Variants in PLXNA4 observed in about 807,000 individuals in gnomAD.
The protein encoded by PLXNA4 is plexin-A4.
Under a neutral mutation model 191.8 loss-of-function variants are expected in PLXNA4, and 44 were observed. The ratio of observed to expected loss-of-function variants is 0.23; its 90% CI spans 0.18 to 0.29. The LOEUF (loss-of-function observed/expected upper bound fraction) is 0.29. Ranked by LOEUF, PLXNA4 falls within the 10% of genes least tolerant of loss-of-function variation. PLXNA4 has a pLI of 1.00. For synonymous variants in PLXNA4, 1,082 were observed against 1,009.5 expected (o/e 1.07, Z -1.36); for missense variants, 1,800 against 2,488.8 (o/e 0.72, Z 5.89).
At chr7:132,559,242 G>T (rs1433470939) in intron 1 of PLXNA4, among the ~76,000 whole-genome samples, 1 of 152,144 alleles carries the variant, frequency 6.6e-6, no homozygotes, top group African/African-American at 2.4e-5. Context: ...GGCATGAGGA[G>T]GAATGAACAG....
intron 22 of PLXNA4, among the ~76,000 whole-genome samples, 168 bp downstream of exon 22, chr7:132,168,136 G>A (rs1405535839): frequency 6.6e-6 from 1 of 152,226 alleles, no homozygotes; most frequent in Non-Finnish European, 1.5e-5. Context: ...ACAGTGGACA[G>A]GTTCTTCTAA....
In PLXNA4 at chr7:132,609,344, G is replaced by A. The variant is rs185771070; in HGVS notation, c.-87+36584C>T. Among the ~76,000 whole-genome samples, 13 of 152,248 alleles carry A rather than the reference G, an allele frequency of 8.5e-5. No individual in the cohort carries two copies. In the East Asian group the frequency reaches 2.1e-3, roughly 25 times the overall value. On this transcript the variant is annotated intron_variant, in intron 2 of 4. Coordinates refer to the PLXNA4 transcript ENST00000378539. ...TGTCCATGGCTGCTTGGAAGTATGT[G>A]AGTTGCTCCATCATGTGGTTGTAAG...
chr7:132,177,647 CT>C (rs1426732087), intron 20 of PLXNA4, among the ~76,000 whole-genome samples: 2 of 152,206 alleles, frequency 1.3e-5, no homozygotes, highest in African/African-American at 2.4e-5. Flanking sequence ...AGGGTGTTGG[CT>C]TTTTATCAGT....
rs141129552 is a variant in PLXNA4, at chr7:132,174,927, C to T, written c.3875-7G>A. Reference sequence around the variant, plus strand: ...GTCTGCAGCTCGGCAAAGGCTGGCACGAAGAGAAGCCTGTGAGATGGCTGG... The same window carrying T: ...GTCTGCAGCTCGGCAAAGGCTGGCATGAAGAGAAGCCTGTGAGATGGCTGG... On this transcript the variant is annotated splice_region_variant and splice_polypyrimidine_tract_variant and intron_variant, in intron 20 of 31. Transcript: ENST00000321063. 9.9e-5 allele frequency: 160 copies of T among 1,613,698 alleles called. No individual in the cohort carries two copies. The East Asian group carries it at 1.9e-3, about 19-fold the overall frequency.
At chr7:132,262,560 G>T (rs1432739793) in intron 4 of PLXNA4, among the ~76,000 whole-genome samples, 2 of 152,160 alleles carry the variant, frequency 1.3e-5, no homozygotes, top group Non-Finnish European at 2.9e-5. Context: ...CAAATGGGGT[G>T]AGCCTGCCTC....
At chr7:132,215,972 G>A (rs979563463) in intron 9 of PLXNA4, among the ~76,000 whole-genome samples, 4 of 152,216 alleles carry the variant, frequency 2.6e-5, no homozygotes, top group Non-Finnish European at 5.9e-5. Context: ...CCAATCTGAG[G>A]AGGGGATTGT....
intron 22 of PLXNA4, among the ~76,000 whole-genome samples, chr7:132,166,636 G>T (rs112430266): frequency 0.017 from 2,534 of 151,896 alleles, 21 homozygotes; most frequent in South Asian, 0.027. Context: ...AAAGGAGGTG[G>T]GCAGCCGGGG....
At position 132,281,057 on chromosome 7, in the gene PLXNA4, T is replaced by C. The variant is rs183738855; in HGVS notation, c.1503+17034A>G. Among the ~76,000 whole-genome samples the C allele has an allele frequency of 4.7e-3, 712 of 152,314 alleles. 5 individuals are homozygous for C. The highest frequency in any genetic ancestry group is 8.5e-3 in the Non-Finnish European group (579 of 68,016). On this transcript the variant is annotated intron_variant, in intron 4 of 31. Coordinates refer to ENST00000321063, the MANE Select transcript of PLXNA4 (RefSeq NM_020911.2). ...AGCATCTTGTATTTGATTTTACAAA[T>C]GAGTGATACAAAACATTTTACTATC...
intron 1 of PLXNA4, among the ~76,000 whole-genome samples, chr7:132,540,078 C>T (rs542953835): frequency 6.6e-6 from 1 of 152,194 alleles, no homozygotes; most frequent in Non-Finnish European, 1.5e-5. Context: ...TCCAGAGGGT[C>T]AGGGATGCTC....
chr7:132,548,062 T>C (rs1381064539), intron 1 of PLXNA4, among the ~76,000 whole-genome samples: 1 of 152,074 alleles, frequency 6.6e-6, no homozygotes, highest in African/African-American at 2.4e-5. Flanking sequence ...TTTGAATTGG[T>C]GGCTTCACTC....
chr7:132,529,297 A>G (rs1799531124), intron 1 of PLXNA4, among the ~76,000 whole-genome samples: 1 of 152,192 alleles, frequency 6.6e-6, no homozygotes, highest in Non-Finnish European at 1.5e-5. Flanking sequence ...TCTACCTCAT[A>G]TCTCCTCAAA....
At chr7:132,262,992 G>T (rs1049970031) in intron 4 of PLXNA4, among the ~76,000 whole-genome samples, 8 of 152,156 alleles carry the variant, frequency 5.3e-5, no homozygotes, top group African/African-American at 1.9e-4. Context: ...TACTAGGGGG[G>T]TTGAAGTCTC....
chr7:132,165,168 T>C lies in PLXNA4; in HGVS notation c.4319A>G (p.Asn1440Ser), dbSNP rs1235324741. 3 of 1,613,296 alleles carry C rather than the reference T, an allele frequency of 1.9e-6. No individual in the cohort carries two copies. The highest frequency in any genetic ancestry group is 1.7e-5 in the Admixed American group (1 of 59,996). ...TESVAEKMLT[N>S]WFTFLLYKFL... ...CTTGTAGAGGAGGAAAGTAAACCAATTGGTCAGCATCTTCTCAGCCACTGA... is the reference window on the plus strand; with the variant it reads ...CTTGTAGAGGAGGAAAGTAAACCAACTGGTCAGCATCTTCTCAGCCACTGA... The change falls in exon 23 of 32, where the codon AAT (asparagine) becomes AGT (serine). Residue 1440 changes from asparagine (N) to serine (S), a missense_variant. Transcript: ENST00000321063.
chr7:132,179,802 G>A lies in PLXNA4; in HGVS notation c.3759C>T (p.Ile1253=), dbSNP rs200254516. The A allele has an allele frequency of 3.9e-5, 63 of 1,613,512 alleles. No individual in the cohort carries two copies. In the East Asian group the frequency reaches 7.6e-4, roughly 19 times the overall value. ...GTTTATAGGCAATGAGCACGGCCAC[G>A]ATGAAAATGATGAGGAGGCCGCCAG... ...AVAGGLLIIF[I]VAVLIAYKRK... is the part of the protein sequence containing the mutation. Residue 1253 remains isoleucine (I), a synonymous_variant, in exon 20 of 32, where the codon ATC becomes ATT. Transcript: ENST00000321063.
At chr7:132,137,419 T>C (rs1050872054) in intron 30 of PLXNA4, among the ~76,000 whole-genome samples, 3 of 150,798 alleles carry the variant, frequency 2.0e-5, no homozygotes, top group Non-Finnish European at 4.4e-5. Context: ...AATCAATCAC[T>C]ACTAAAGTAT....
intron 1 of PLXNA4, among the ~76,000 whole-genome samples, chr7:132,520,405 G>A (rs1217198430): frequency 2.0e-5 from 3 of 152,076 alleles, no homozygotes; most frequent in South Asian, 2.1e-4. Flanking sequence ...TGCTTCTTCC[G>A]GCCTCTGAGG....
intron 4 of PLXNA4, among the ~76,000 whole-genome samples, chr7:132,264,784 G>A (rs537379405): frequency 2.7e-5 from 4 of 147,652 alleles, no homozygotes; most frequent in Non-Finnish European, 4.5e-5. Context: ...TGCAACCGCC[G>A]CCTCCTGGGC....
chr7:132,342,748 A>T (rs1208977781), intron 3 of PLXNA4, among the ~76,000 whole-genome samples: 1 of 152,060 alleles, frequency 6.6e-6, no homozygotes, highest in African/African-American at 2.4e-5. Context: ...GGAGTTCGAG[A>T]CCAACCTGGC....
chr7:132,393,708 G>C (rs1351975364), intron 3 of PLXNA4, among the ~76,000 whole-genome samples: 1 of 152,176 alleles, frequency 6.6e-6, no homozygotes, highest in South Asian at 2.1e-4. Context: ...AAGGGAAGTG[G>C]AGAGGATGGT....
Sources: gnomAD v4.1 joint callset for allele counts (sites outside exome capture counted in the v4.1 genomes callset) on GRCh38, gnomAD v4.1.1 for gene constraint, MANE v1.5 for transcripts, NCBI Gene and HGNC (gene_info 2026-07-23, HGNC 2026-07-21) for gene names.